The following CAV1 variants were observed in gnomAD, a reference collection of about 807,000 sequenced individuals.
The protein encoded by CAV1 is caveolin 1, also known as caveolin-1.
In CAV1, 10 loss-of-function variants were observed where a neutral mutation model predicts 16.5. The ratio of observed to expected loss-of-function variants is 0.61; its 90% CI spans 0.37 to 1.03. CAV1 has a LOEUF of 1.03. Among genes scored for constraint, CAV1 ranks in the 50% least tolerant of loss-of-function variants. The pLI, the probability that CAV1 is intolerant of heterozygous loss-of-function variation, is 0.01. For missense variants in CAV1, 212 were observed against 232.8 expected (o/e 0.91, Z 0.58); for synonymous variants, 76 against 85.1 (o/e 0.89, Z 0.59).
rs1793559128 is a variant in CAV1 at position 116,526,366 on chromosome 7, A to C, written c.31-159A>C. The C allele has an allele frequency of 3.3e-6, 5 of 1,506,272 alleles. No individual in the cohort carries two copies. In the Admixed American group the frequency reaches 8.1e-5, roughly 24 times the overall value. 93.3% of individuals were successfully genotyped at this position (1,506,272 alleles called of 1,614,324 possible). ...GGCTACGCGCAGGCGGTTTCTGTGCACGGAGCCGTAGCTGTCGGAGCGGTT... is the reference window on the plus strand; with the variant it reads ...GGCTACGCGCAGGCGGTTTCTGTGCCCGGAGCCGTAGCTGTCGGAGCGGTT... On this transcript the variant is annotated intron_variant, in intron 1 of 2. Transcript: ENST00000341049.
Position 116,544,195 on chromosome 7 carries a change from C to T in CAV1, c.196-14751C>T, listed in dbSNP as rs539834289. ...TCTTCCATTTTGTTCACCTTTTTGC[C>T]AAAATTATGCCTGGATTAGAATAAA... On this transcript the variant is annotated intron_variant, in intron 2 of 2. Transcript: ENST00000341049. Among the ~76,000 whole-genome samples, 5 of 152,114 alleles carry T rather than the reference C, an allele frequency of 3.3e-5. No individual in the cohort carries two copies. The East Asian group carries it at 7.7e-4, about 23-fold the overall frequency.
chr7:116,525,355 G>A (rs1391912389), intron 1 of CAV1: 6 of 1,542,016 alleles, frequency 3.9e-6, no homozygotes, highest in Non-Finnish European at 5.3e-6. Context: ...GGGGTCCTGA[G>A]ATTGGGTCTG....
rs36068092 is a variant in CAV1, at chr7:116,559,612, A to AG, written c.*327dup. 33,112 of 472,842 alleles carry AG rather than the reference A, an allele frequency of 0.07. 598 individuals carry two copies. Among genetic ancestry groups the AG allele is most frequent in the East Asian group, 0.21 (6,274 of 29,770 alleles). 29.3% of individuals were successfully genotyped at this position (472,842 alleles called of 1,614,324 possible). A position where few individuals can be genotyped will look rare whatever the true frequency, so the allele number is the denominator to read the frequency against. The stretch of plus-strand genomic sequence containing the variant: ...TTGAGAGAAATATGAAGAACTGAGG[A>AG]GGAAAAAAAAAAAAAAGAAAAGAAC... On this transcript the variant is annotated 3_prime_UTR_variant, in exon 3 of 3. Coordinates refer to ENST00000341049, the MANE Select transcript of CAV1 (RefSeq NM_001753.5).
chr7:116,535,018 C>A (rs1043901937), intron 2 of CAV1, among the ~76,000 whole-genome samples: 1 of 152,166 alleles, frequency 6.6e-6, no homozygotes, highest in Non-Finnish European at 1.5e-5. Flanking sequence ...CTTCAGGCTA[C>A]TTGGGCTTAA....
At chr7:116,536,349 G>A (rs1265795042) in intron 2 of CAV1, among the ~76,000 whole-genome samples, 2 of 152,204 alleles carry the variant, frequency 1.3e-5, no homozygotes, top group Admixed American at 1.3e-4. Context: ...GGACTGAGTA[G>A]TTAAATTATA....
intron 1 of CAV1, 128 bp downstream of exon 1, chr7:116,525,220 C>A: frequency 6.2e-7 from 1 of 1,612,424 alleles, no homozygotes; most frequent in Middle Eastern, 1.6e-4. Flanking sequence ...ACTCCTCTGG[C>A]GTTGGCACCG....
chr7:116,528,303 C>T (rs1197224591), intron 2 of CAV1, among the ~76,000 whole-genome samples: 3 of 152,056 alleles, frequency 2.0e-5, no homozygotes, highest in African/African-American at 7.3e-5. Flanking sequence ...AAAGGCCCCA[C>T]TGGGAAAAGA....
chr7:116,526,713 A>G, intron 2 of CAV1, 24 bp downstream of exon 2: 1 of 1,613,748 alleles, frequency 6.2e-7, no homozygotes, highest in South Asian at 1.1e-5. Context: ...ACCAACAGGG[A>G]AGGGCTGGGA....
chr7:116,546,558 G>C (rs983152812), intron 2 of CAV1, among the ~76,000 whole-genome samples: 1 of 151,866 alleles, frequency 6.6e-6, no homozygotes, highest in Non-Finnish European at 1.5e-5. Context: ...TTAGTCAGGT[G>C]TGGTGGCGGA....
chr7:116,525,348 G>T (rs767841093), intron 1 of CAV1: 1 of 1,544,262 alleles, frequency 6.5e-7, no homozygotes. Context: ...GGGGATTGGG[G>T]TCCTGAGATT....
intron 2 of CAV1, among the ~76,000 whole-genome samples, chr7:116,531,924 A>G (rs1793693530): frequency 6.6e-6 from 1 of 152,246 alleles, no homozygotes; most frequent in African/African-American, 2.4e-5. Flanking sequence ...AATACTGAGC[A>G]AAGGATGATA....
intron 2 of CAV1, among the ~76,000 whole-genome samples, chr7:116,555,402 G>A (rs6961694): frequency 0.82 from 118,082 of 143,144 alleles, 49,035 homozygotes; most frequent in East Asian, 0.95. Context: ...TCATGCCGCT[G>A]CACTCTAGCC....
intron 2 of CAV1, among the ~76,000 whole-genome samples, chr7:116,541,909 T>C (rs1052683424): frequency 6.6e-6 from 1 of 152,224 alleles, no homozygotes; most frequent in African/African-American, 2.4e-5. Context: ...TCCTTCTGCC[T>C]CTACAGTTAT....
intron 2 of CAV1, among the ~76,000 whole-genome samples, chr7:116,554,634 A>G (rs556531751): frequency 2.0e-5 from 3 of 152,302 alleles, no homozygotes; most frequent in African/African-American, 7.2e-5. Context: ...AATTAGAGTA[A>G]GAGTCCCTGG....
chr7:116,549,155 CAA>C (rs548027969), intron 2 of CAV1, among the ~76,000 whole-genome samples: 15 of 152,266 alleles, frequency 9.9e-5, no homozygotes, highest in Non-Finnish European at 2.1e-4. Context: ...AAAGTGGAGA[CAA>C]GAGGCACCAA....
chr7:116,525,643 G>A, intron 1 of CAV1: 1 of 1,103,490 alleles, frequency 9.1e-7, no homozygotes, highest in Non-Finnish European at 1.1e-6. Flanking sequence ...TTCCGAGAGA[G>A]GTAGACCTCC....
intron 2 of CAV1, among the ~76,000 whole-genome samples, chr7:116,539,417 A>G (rs1401993725): frequency 6.6e-6 from 1 of 152,112 alleles, no homozygotes; most frequent in Non-Finnish European, 1.5e-5. Flanking sequence ...AATTCAGTTG[A>G]CACTCTGAAA....
intron 2 of CAV1, among the ~76,000 whole-genome samples, chr7:116,534,003 G>A (rs1793739307): frequency 6.6e-6 from 1 of 151,932 alleles, no homozygotes; most frequent in South Asian, 2.1e-4. Context: ...GATCAACTGA[G>A]GTCAGGAGTT....
intron 1 of CAV1, chr7:116,525,710 G>A (rs1457046894): frequency 8.4e-6 from 9 of 1,069,662 alleles, no homozygotes; most frequent in Middle Eastern, 4.6e-4. Flanking sequence ...AGCTCTGCCC[G>A]GGTGTGGAAA....
Sources: gnomAD v4.1 joint callset for allele counts (sites outside exome capture counted in the v4.1 genomes callset) on GRCh38, gnomAD v4.1.1 for gene constraint, MANE v1.5 for transcripts, NCBI Gene and HGNC (gene_info 2026-07-23, HGNC 2026-07-21) for gene names.